The following GUCY2F variants were observed in gnomAD, a reference collection of about 807,000 sequenced individuals.
GUCY2F encodes guanylate cyclase 2F, retinal, also known as retinal guanylyl cyclase 2.
A neutral mutation model predicts 73.1 loss-of-function variants in GUCY2F; 61 were observed. The ratio of observed to expected loss-of-function variants is 0.83; its 90% CI spans 0.68 to 1.03. The LOEUF (loss-of-function observed/expected upper bound fraction) is 1.03, where lower values mean the gene tolerates loss of function less well. GUCY2F is among the 50% of genes least tolerant of loss of function. The probability of loss-of-function intolerance (pLI) is 0.00; values close to 1 mark genes in which losing one functional copy is unlikely to be tolerated. For missense variants in GUCY2F, 912 were observed against 854.3 expected (o/e 1.07, Z -0.84); for synonymous variants, 331 against 307.8 (o/e 1.08, Z -0.79).
At chrX:109,418,682 A>C (rs1243998460) in intron 8 of GUCY2F, among the ~76,000 whole-genome samples, 1 of 111,637 alleles carries the variant, frequency 9.0e-6, no homozygotes, top group African/African-American at 3.2e-5. Flanking sequence ...TTAAATTAAA[A>C]AGAAAGAATG....
intron 10 of GUCY2F, among the ~76,000 whole-genome samples, chrX:109,402,581 C>T (rs1930870869): frequency 9.0e-6 from 1 of 111,049 alleles, no homozygotes; most frequent in African/African-American, 3.3e-5. Flanking sequence ...CCATGCTGGC[C>T]AGGTTGGTCT....
chrX:109,407,860 TGCCTGGATGC>T (rs1294683807), intron 9 of GUCY2F, among the ~76,000 whole-genome samples: 1 of 113,129 alleles, frequency 8.8e-6, no homozygotes, highest in Admixed American at 9.2e-5. Context: ...TGTATGGGAA[TGCCTGGATGC>T]CCAGGCAAAA....
At chrX:109,414,796 A>AT (rs1038638127) in intron 8 of GUCY2F, among the ~76,000 whole-genome samples, 1 of 111,930 alleles carries the variant, frequency 8.9e-6, no homozygotes, top group African/African-American at 3.2e-5. Flanking sequence ...AAGGAAAAGT[A>AT]TTTTAGGGGT....
chrX:109,384,823 T>C (rs9698834), intron 16 of GUCY2F, among the ~76,000 whole-genome samples: 11,138 of 110,956 alleles, frequency 0.1, 1,398 homozygotes, highest in African/African-American at 0.34. Flanking sequence ...ATTAGTCCCT[T>C]ATGTAGTTCT....
intron 6 of GUCY2F, among the ~76,000 whole-genome samples, chrX:109,445,672 T>G (rs184717361): frequency 0.076 from 8,392 of 111,101 alleles, 748 homozygotes; most frequent in African/African-American, 0.25. Flanking sequence ...ATATCATACT[T>G]AATGGGCAAA....
At chrX:109,411,891 C>T (rs183880330) in intron 8 of GUCY2F, among the ~76,000 whole-genome samples, 1 of 111,526 alleles carries the variant, frequency 9.0e-6, no homozygotes, top group East Asian at 2.8e-4. Context: ...GAAGAACAGC[C>T]TGCAATAATA....
At chrX:109,377,219 G>T (rs1930200342) in intron 17 of GUCY2F, among the ~76,000 whole-genome samples, 1 of 111,673 alleles carries the variant, frequency 9.0e-6, no homozygotes, top group South Asian at 3.8e-4. Flanking sequence ...GCTTGAACAA[G>T]CCTTCTATGA....
At chrX:109,380,320 G>T (rs773151920) in intron 17 of GUCY2F, among the ~76,000 whole-genome samples, 1 of 111,611 alleles carries the variant, frequency 9.0e-6, no homozygotes, top group East Asian at 2.9e-4. Flanking sequence ...TGGCGACATG[G>T]TCTTATTGGG....
chrX:109,449,147 A>C (rs1044043440), intron 5 of GUCY2F, among the ~76,000 whole-genome samples: 2 of 111,942 alleles, frequency 1.8e-5, no homozygotes, highest in African/African-American at 6.5e-5. Context: ...GTTAAAGCCA[A>C]GAGCCATGGT....
chrX:109,420,983 T>C (rs2147265359), intron 8 of GUCY2F, among the ~76,000 whole-genome samples: 1 of 111,468 alleles, frequency 9.0e-6, no homozygotes, highest in South Asian at 3.7e-4. Flanking sequence ...ACAAAAGACA[T>C]ATATAAAAAT....
At position 109,475,239 on chromosome X, in the gene GUCY2F, A is replaced by T. The variant is rs374977983; in HGVS notation, c.698T>A (p.Leu233His). ...TCTGTCTGCCTGGTGAATCCTCTGGAGGGCTTTCCGCATGCTTTGGCTGTC... is the reference window on the plus strand; with the variant it reads ...TCTGTCTGCCTGGTGAATCCTCTGGTGGGCTTTCCGCATGCTTTGGCTGTC... ...GQDSQSMRKA[L>H]QRIHQADRIR... Residue 233 changes from leucine (L) to histidine (H), a missense_variant, in exon 2 of 20, where the codon CTC becomes CAC. Leu to His is a moderately conservative substitution (Grantham distance 99). Transcript: ENST00000218006. 2.5e-6 allele frequency: 3 copies of T among 1,208,935 alleles called. No individual in the cohort carries two copies. Among genetic ancestry groups the T allele is most frequent in the Admixed American group, 2.2e-5 (1 of 45,918 alleles).
intron 8 of GUCY2F, among the ~76,000 whole-genome samples, chrX:109,421,321 T>C (rs1027079516): frequency 9.8e-5 from 11 of 111,786 alleles, no homozygotes; most frequent in Admixed American, 2.9e-4. Flanking sequence ...CTAGCAGCAC[T>C]ATTCACGTTA....
chrX:109,429,414 CAA>C (rs60670014), intron 8 of GUCY2F, among the ~76,000 whole-genome samples: 5 of 41,920 alleles, frequency 1.2e-4, no homozygotes, highest in Non-Finnish European at 9.3e-5. Context: ...AATTCCAGCT[CAA>C]AAAAAAAAAA....
Position 109,452,051 on chromosome X carries a change from A to G in GUCY2F, c.1444T>C (p.Ser482Pro), listed in dbSNP as rs762428741. The G allele has an allele frequency of 4.5e-6, 5 of 1,107,511 alleles. No homozygotes were observed. The highest frequency in any genetic ancestry group is 6.2e-6 in the Non-Finnish European group (5 of 800,432). 91.3% of individuals were successfully genotyped at this position (1,107,511 alleles called of 1,213,427 possible). The change falls in exon 5 of 20, where the codon TCT (serine) becomes CCT (proline). Residue 482 changes from serine to proline, a missense_variant. Physicochemically the swap from Ser to Pro is moderately conservative, Grantham distance 74. Transcript: ENST00000218006. ...ATAAAGTAAGCAAATCCATTAATAG[A>G]CAGCAGGGCTATAAGCAAAGTAAGG... ...VCLTLLIALL[S>P]INGFAYFIRR...
chrX:109,411,238 CAT>C (rs1371621367), intron 8 of GUCY2F, among the ~76,000 whole-genome samples: 2 of 92,463 alleles, frequency 2.2e-5, no homozygotes, highest in Non-Finnish European at 4.2e-5. Context: ...ACTGATAACT[CAT>C]AGTTACTCCA....
intron 15 of GUCY2F, among the ~76,000 whole-genome samples, chrX:109,385,682 T>G (rs756021252): frequency 2.4e-4 from 27 of 112,123 alleles, no homozygotes; most frequent in African/African-American, 8.4e-4. Context: ...TTTCATGGGT[T>G]TATCTGGTTC....
At chrX:109,394,650 T>A (rs745353299) in intron 12 of GUCY2F, among the ~76,000 whole-genome samples, 1 of 112,267 alleles carries the variant, frequency 8.9e-6, no homozygotes, top group South Asian at 3.7e-4. Flanking sequence ...TGCTCCAACA[T>A]TGGAATTGCG....
chrX:109,398,713 T>C lies in GUCY2F; in HGVS notation c.2126-15A>G. On this transcript the variant is annotated splice_polypyrimidine_tract_variant and intron_variant, in intron 10 of 19. Coordinates refer to ENST00000218006, the MANE Select transcript of GUCY2F (RefSeq NM_001522.3). ...CCACAGCAGCTCTAAAAAGAAAGCA[T>C]TGTGTAATGAATGCAGGGAGGATTA... 2 of 1,200,170 alleles carry C rather than the reference T, an allele frequency of 1.7e-6. No homozygotes were observed. The highest frequency in any genetic ancestry group is 1.8e-5 in the South Asian group (1 of 55,934).
chrX:109,480,448 C>G (rs1932757928), intron 1 of GUCY2F, among the ~76,000 whole-genome samples: 1 of 111,285 alleles, frequency 9.0e-6, no homozygotes, highest in Non-Finnish European at 1.9e-5. Context: ...GGATGGACTA[C>G]TTTTTGAGCA....
Sources: allele counts gnomAD v4.1 joint callset (sites outside exome capture counted in the v4.1 genomes callset), GRCh38; gene constraint gnomAD v4.1.1; transcripts MANE v1.5; gene names NCBI Gene and HGNC (gene_info 2026-07-23, HGNC 2026-07-21).